NUDT12: variants seen among roughly 807,000 people sequenced by gnomAD.
NUDT12 encodes the protein NAD-capped RNA hydrolase NUDT12.
Under a neutral mutation model 45.7 loss-of-function variants are expected in NUDT12, and 42 were observed. The observed-to-expected ratio is 0.92, with a 90% CI of 0.72 to 1.19. NUDT12 has a LOEUF of 1.19. NUDT12 is among the 50% of genes most tolerant of loss of function. The probability of loss-of-function intolerance (pLI) is 0.00; values close to 1 mark genes in which losing one functional copy is unlikely to be tolerated. For missense variants in NUDT12, 590 were observed against 533.1 expected (o/e 1.11, Z -1.05); for synonymous variants, 206 against 179.7 (o/e 1.15, Z -1.17).
intron 3 of NUDT12, among the ~76,000 whole-genome samples, chr5:103,556,536 C>A (rs1021627376): frequency 2.0e-5 from 3 of 152,054 alleles, no homozygotes; most frequent in Non-Finnish European, 4.4e-5. Context: ...GAGGCTATCA[C>A]CACTCTCTTG....
At chr5:103,551,848 G>T (rs1263939174) in intron 6 of NUDT12, among the ~76,000 whole-genome samples, 1 of 152,026 alleles carries the variant, frequency 6.6e-6, no homozygotes, top group Non-Finnish European at 1.5e-5. Context: ...TGTTTTTTGA[G>T]AGCTACTTGT....
chr5:103,551,534 T>C (rs1394471456), intron 6 of NUDT12, among the ~76,000 whole-genome samples: 1 of 152,204 alleles, frequency 6.6e-6, no homozygotes, highest in Non-Finnish European at 1.5e-5. Flanking sequence ...AAGCAAAATG[T>C]ACGCTCCACA....
At position 103,559,186 on chromosome 5, in the gene NUDT12, A is replaced by G; in HGVS notation, c.489T>C (p.Gly163=). The change falls in exon 3 of 7, where the codon GGT becomes GGC. Residue 163 remains glycine (G), a synonymous_variant. Transcript: ENST00000230792. ...FSDLNPLVTL[G]GNKESFQQPE... Reference sequence around the variant, plus strand: ...GCTGTTGGAAACTTTCTTTATTGCCACCTAGAGTAACCAAGGGATTTAAAT... The same window carrying G: ...GCTGTTGGAAACTTTCTTTATTGCCGCCTAGAGTAACCAAGGGATTTAAAT... 1 of 1,558,778 alleles carries G rather than the reference A, an allele frequency of 6.4e-7. No individual in the cohort carries two copies. The highest frequency in any genetic ancestry group is 8.6e-7 in the Non-Finnish European group (1 of 1,156,390).
Position 103,558,883 on chromosome 5 carries a change from T to C in NUDT12, c.792A>G (p.Glu264=), listed in dbSNP as rs1186056340. Residue 264 remains glutamate (E), a synonymous_variant, in exon 3 of 7, where the codon GAA becomes GAG. Coordinates refer to ENST00000230792, the MANE Select transcript of NUDT12 (RefSeq NM_031438.4). ...AAAGCAGCATTCATTTCTTACCAGC[T>C]TCTTTTTCTTTCAATTGCAGAAGGG... ...MPALLQLKEK[E]AGVVAQARSV... is the part of the protein sequence containing the mutation. 2.6e-6 allele frequency: 4 copies of C among 1,555,366 alleles called. No homozygotes were observed. The highest frequency in any genetic ancestry group is 1.2e-5 in the South Asian group (1 of 81,756).
At chr5:103,558,823 C>T in intron 3 of NUDT12, 56 bp downstream of exon 3, 1 of 1,241,504 alleles carries the variant, frequency 8.1e-7, no homozygotes, top group Non-Finnish European at 1.1e-6. Context: ...ACATACAACT[C>T]CAACTCAAGT....
chr5:103,552,906 T>C lies in NUDT12; in HGVS notation c.1079-490A>G, dbSNP rs751854077. Among the ~76,000 whole-genome samples the C allele has an allele frequency of 9.2e-5, 14 of 152,254 alleles. No homozygotes were observed. In the South Asian group the frequency reaches 1.0e-3, roughly 11 times the overall value. On this transcript the variant is annotated intron_variant, in intron 5 of 6. Transcript: ENST00000230792. Reference sequence around the variant, plus strand: ...ATTACAAACTACATAAGATGAAATTTAATACTTTTTCTAAGCAATTATTTT... The same window carrying C: ...ATTACAAACTACATAAGATGAAATTCAATACTTTTTCTAAGCAATTATTTT...
In NUDT12 at chr5:103,559,149, G is replaced by C. The variant is rs1367356629; in HGVS notation, c.526C>G (p.Leu176Val). The C allele has an allele frequency of 6.4e-7, 1 of 1,570,150 alleles. No homozygotes were observed. ...KESFQQPEVR[L>V]CQLNYTDIKD... is the part of the protein sequence containing the mutation. ...ATATCTGTGTAGTTCAGCTGACAAA[G>C]CCTAACTTCTGGCTGTTGGAAACTT... The change falls in exon 3 of 7, where the codon CTT (leucine) becomes GTT (valine). Residue 176 changes from leucine (L) to valine (V), a missense_variant. Transcript: ENST00000230792.
At chr5:103,551,184 G>A (rs1445008773) in intron 6 of NUDT12, among the ~76,000 whole-genome samples, 1 of 151,886 alleles carries the variant, frequency 6.6e-6, no homozygotes, top group African/African-American at 2.4e-5. Flanking sequence ...GCAGTGGTGG[G>A]ATCATGGCTC....
At position 103,552,366 on chromosome 5, in the gene NUDT12, C is replaced by G; in HGVS notation, c.1129G>C (p.Val377Leu). 1 of 1,613,952 alleles carries G rather than the reference C, an allele frequency of 6.2e-7. No homozygotes were observed. Among genetic ancestry groups the G allele is most frequent in the Non-Finnish European group, 8.5e-7 (1 of 1,179,920 alleles). The change falls in exon 6 of 7, where the codon GTC (valine) becomes CTC (leucine). Residue 377 changes from valine (V) to leucine (L), a missense_variant. Physicochemically the swap from Val to Leu is conservative, Grantham distance 32. Coordinates refer to ENST00000230792, the MANE Select transcript of NUDT12 (RefSeq NM_031438.4). ...ACATACTGAACATGGCCAACTTTGA[C>G]TCCACTTTCCTCTTCTACTTCTCTC... ...VRREVEEESG[V>L]KVGHVQYVAC...
chr5:103,552,850 T>C lies in NUDT12; in HGVS notation c.1079-434A>G, dbSNP rs114928318. Among the ~76,000 whole-genome samples the C allele has an allele frequency of 7.0e-3, 1,059 of 152,292 alleles. 7 individuals are homozygous for C. Among genetic ancestry groups the C allele is most frequent in the African/African-American group, 0.024 (1,012 of 41,584 alleles). On this transcript the variant is annotated intron_variant, in intron 5 of 6. Coordinates refer to ENST00000230792, the MANE Select transcript of NUDT12 (RefSeq NM_031438.4). ...TTTTTATTATGTTGTCAAACAATTA[T>C]TGCAGGTAACTCTTTTCAGGTCATT...
rs1323618389 is a variant in NUDT12 at position 103,549,567 on chromosome 5, T to G, written c.*1294A>C. ...ATTATATAGTACAGACTGTTGTAAT[T>G]AGTTATGTAACTTTCACTAATTAGG... On this transcript the variant is annotated 3_prime_UTR_variant, in exon 7 of 7. Coordinates refer to ENST00000230792, the MANE Select transcript of NUDT12 (RefSeq NM_031438.4). 3 of 152,018 alleles carry G rather than the reference T, an allele frequency of 2.0e-5. No homozygotes were observed. Among genetic ancestry groups the G allele is most frequent in the Admixed American group, 6.6e-5 (1 of 15,264 alleles). 9.4% of individuals were successfully genotyped at this position (152,018 alleles called of 1,614,324 possible).
intron 2 of NUDT12, chr5:103,559,704 A>G: frequency 2.3e-6 from 1 of 436,794 alleles, no homozygotes; most frequent in Non-Finnish European, 4.0e-6. Flanking sequence ...ATTACTCACA[A>G]AATAAAACAG....
At chr5:103,562,502 G>A (rs3797900) in intron 1 of NUDT12, among the ~76,000 whole-genome samples, 20,215 of 151,878 alleles carry the variant, frequency 0.13, 1,549 homozygotes, top group Middle Eastern at 0.24. Flanking sequence ...CCTCAGTACC[G>A]CCGCACCTCC....
intron 2 of NUDT12, 124 bp from the exon 3 acceptor site, chr5:103,559,592 A>AT (rs978813743): frequency 3.1e-5 from 16 of 524,170 alleles, no homozygotes; most frequent in East Asian, 6.8e-5. Context: ...GATTACATAG[A>AT]TTTTTTTTCT....
chr5:103,552,825 T>C (rs552769086), intron 5 of NUDT12, among the ~76,000 whole-genome samples: 74 of 152,278 alleles, frequency 4.9e-4, no homozygotes, highest in Non-Finnish European at 8.7e-4. Context: ...CTGAAACTTT[T>C]TTTTATTATG....
At chr5:103,560,908 G>C (rs1749014132) in intron 1 of NUDT12, among the ~76,000 whole-genome samples, 1 of 152,056 alleles carries the variant, frequency 6.6e-6, no homozygotes, top group South Asian at 2.1e-4. Flanking sequence ...TGTTGTCCTT[G>C]AATCAGAGCA....
chr5:103,557,303 A>ATATATATATATATATATATATATG (rs1562619449), intron 3 of NUDT12, among the ~76,000 whole-genome samples: 1 of 140,442 alleles, frequency 7.1e-6, no homozygotes, highest in African/African-American at 2.6e-5. Flanking sequence ...ATATATATAT[A>ATATATATATATATATATATATATG]TGTCTAAAGA....
intron 5 of NUDT12, among the ~76,000 whole-genome samples, 184 bp from the exon 6 acceptor site, chr5:103,552,600 T>C (rs976027967): frequency 2.6e-5 from 4 of 152,112 alleles, no homozygotes; most frequent in Admixed American, 6.6e-5. Flanking sequence ...TGACCACATA[T>C]AGAATATCAA....
intron 3 of NUDT12, among the ~76,000 whole-genome samples, chr5:103,558,161 G>T (rs1748891048): frequency 6.6e-6 from 1 of 151,588 alleles, no homozygotes; most frequent in African/African-American, 2.4e-5. Context: ...ACTTTATCTT[G>T]CATATACCCT....
Sources: allele counts gnomAD v4.1 joint callset (sites outside exome capture counted in the v4.1 genomes callset), GRCh38; gene constraint gnomAD v4.1.1; transcripts MANE v1.5; gene names NCBI Gene and HGNC (gene_info 2026-07-23, HGNC 2026-07-21).